WDR70: variants seen among roughly 807,000 people sequenced by gnomAD.
WDR70 encodes the protein WD repeat-containing protein 70.
In WDR70, 53 loss-of-function variants were observed where a neutral mutation model predicts 88.6. The ratio of observed to expected loss-of-function variants is 0.60; its 90% confidence interval spans 0.48 to 0.75. The LOEUF (loss-of-function observed/expected upper bound fraction) is 0.75, where lower values mean the gene tolerates loss of function less well. Ranked by LOEUF, WDR70 falls within the 30% of genes least tolerant of loss-of-function variation. The probability of loss-of-function intolerance (pLI) is 0.00; values close to 1 mark genes in which losing one functional copy is unlikely to be tolerated. For synonymous variants in WDR70, 280 were observed against 270.0 expected, an observed-to-expected ratio of 1.04 and a Z score of -0.36; for missense variants, 610 against 823.2, an observed-to-expected ratio of 0.74 and a Z score of 3.17.
chr5:37,481,751 C>T (rs1739677232), intron 8 of WDR70, among the ~76,000 whole-genome samples: 1 of 152,216 alleles, frequency 6.6e-6, no homozygotes, highest in Non-Finnish European at 1.5e-5. Flanking sequence ...ACCCAGTTTC[C>T]TCAGAAAATA....
At chr5:37,579,574 C>A (rs1743159724) in intron 9 of WDR70, among the ~76,000 whole-genome samples, 3 of 104,796 alleles carry the variant, frequency 2.9e-5, no homozygotes, top group African/African-American at 8.2e-5. Flanking sequence ...CCGAGTGAGA[C>A]TCTGTCTCAA....
intron 10 of WDR70, among the ~76,000 whole-genome samples, chr5:37,657,654 TG>T (rs1745594703): frequency 6.6e-6 from 1 of 152,212 alleles, no homozygotes; most frequent in Admixed American, 6.5e-5. Flanking sequence ...GATGTCACCC[TG>T]GGCATCAGAT....
At chr5:37,637,325 A>G (rs1744997093) in intron 10 of WDR70, among the ~76,000 whole-genome samples, 1 of 141,822 alleles carries the variant, frequency 7.1e-6, no homozygotes, top group Admixed American at 7.2e-5. Flanking sequence ...ACTCTGTCTC[A>G]AAAAATAAAT....
chr5:37,619,217 G>T (rs1044943810), intron 10 of WDR70, among the ~76,000 whole-genome samples: 4 of 150,874 alleles, frequency 2.7e-5, no homozygotes, highest in Admixed American at 6.6e-5. Flanking sequence ...ATTTTGATCA[G>T]TTAATTTTAT....
At position 37,569,779 on chromosome 5, in the gene WDR70, A is replaced by G. The variant is rs200900159; in HGVS notation, c.918-35285A>G. Among the ~76,000 whole-genome samples the G allele has an allele frequency of 5.3e-5, 8 of 152,332 alleles. No individual in the cohort carries two copies. In the East Asian group the frequency reaches 1.5e-3, roughly 29 times the overall value. ...ATAGAAATTCTAATGATAGGAACAC[A>G]TAAGAGGAAGCAATTGAGGGATCAG... On this transcript the variant is annotated intron_variant, in intron 9 of 17. Transcript: ENST00000265107.
intron 10 of WDR70, among the ~76,000 whole-genome samples, chr5:37,670,198 C>T (rs1198244561): frequency 4.0e-5 from 6 of 148,634 alleles, no homozygotes; most frequent in African/African-American, 1.5e-4. Flanking sequence ...CAATAAAAAT[C>T]TTATATCAAA....
At chr5:37,557,959 T>TTTTA in intron 9 of WDR70, among the ~76,000 whole-genome samples, 1 of 146,502 alleles carries the variant, frequency 6.8e-6, no homozygotes, top group Non-Finnish European at 1.5e-5. Flanking sequence ...AAAAGAGTAT[T>TTTTA]ATGTATATTT....
chr5:37,749,877 T>C (rs75384494), intron 17 of WDR70, among the ~76,000 whole-genome samples: 6,220 of 151,856 alleles, frequency 0.041, 439 homozygotes, highest in African/African-American at 0.14. Context: ...AACAAATATT[T>C]GTCCTTTTTC....
chr5:37,697,790 A>G (rs765566305), intron 11 of WDR70, 36 bp downstream of exon 11: 5 of 1,526,340 alleles, frequency 3.3e-6, no homozygotes, highest in East Asian at 2.3e-5. Context: ...GTATTTCTCT[A>G]TATAAAATAA....
rs377371806 is a variant in WDR70, at chr5:37,525,598, A to G, written c.917+9008A>G. On this transcript the variant is annotated intron_variant, in intron 9 of 17. Transcript: ENST00000265107. ...AGAGAAGCAAGAGCAAACACATTCA[A>G]AAGCTAGCAGAAGGCAAGAAATAAC... Among the ~76,000 whole-genome samples the G allele has an allele frequency of 1.2e-4, 18 of 152,342 alleles. No homozygotes were observed. In the East Asian group the frequency reaches 3.1e-3, roughly 26 times the overall value.
chr5:37,515,556 G>T (rs912470262), intron 8 of WDR70, among the ~76,000 whole-genome samples: 2 of 152,214 alleles, frequency 1.3e-5, no homozygotes, highest in Non-Finnish European at 2.9e-5. Context: ...TGAACAGAAT[G>T]TCAGGCCTTG....
At chr5:37,741,104 T>A (rs530653218) in intron 17 of WDR70, among the ~76,000 whole-genome samples, 3 of 152,158 alleles carry the variant, frequency 2.0e-5, no homozygotes, top group Non-Finnish European at 4.4e-5. Flanking sequence ...TGGCCCTCCA[T>A]CACAGATGGT....
chr5:37,398,825 TG>T (rs1478332875), intron 5 of WDR70, among the ~76,000 whole-genome samples: 1 of 152,214 alleles, frequency 6.6e-6, no homozygotes, highest in Non-Finnish European at 1.5e-5. Flanking sequence ...TCAGTTCTAG[TG>T]GCTTTTAAAT....
At chr5:37,463,137 T>A (rs1309185558) in intron 7 of WDR70, among the ~76,000 whole-genome samples, 1 of 152,030 alleles carries the variant, frequency 6.6e-6, no homozygotes, top group Non-Finnish European at 1.5e-5. Flanking sequence ...CCCAGCATGG[T>A]GGCACGCACC....
At chr5:37,424,191 A>G (rs1158562594) in intron 5 of WDR70, among the ~76,000 whole-genome samples, 2 of 145,436 alleles carry the variant, frequency 1.4e-5, no homozygotes, top group South Asian at 4.4e-4. Flanking sequence ...AAAAAAAATT[A>G]TCTATTTATA....
chr5:37,543,493 ATG>A lies in WDR70; in HGVS notation c.917+26905_917+26906del, dbSNP rs1491210920. Among the ~76,000 whole-genome samples the A allele has an allele frequency of 5.8e-4, 88 of 150,824 alleles. 1 individual carries two copies. Among genetic ancestry groups the A allele is most frequent in the Admixed American group, 4.2e-3 (64 of 15,140 alleles). ...AGTGTGTGTGGTCTTGTGTGTGTGC[ATG>A]TATATATATATGGAGAGAAAGAGAG... On this transcript the variant is annotated intron_variant, in intron 9 of 17. Coordinates refer to ENST00000265107, the MANE Select transcript of WDR70 (RefSeq NM_018034.4).
chr5:37,682,778 C>A (rs1746476347), intron 10 of WDR70, among the ~76,000 whole-genome samples: 1 of 151,880 alleles, frequency 6.6e-6, no homozygotes, highest in African/African-American at 2.4e-5. Context: ...TTCAGTGGTC[C>A]AAGAGAGTGG....
intron 10 of WDR70, among the ~76,000 whole-genome samples, chr5:37,679,928 C>T (rs1165556269): frequency 1.3e-5 from 2 of 152,378 alleles, no homozygotes; most frequent in Middle Eastern, 3.4e-3. Context: ...CTAAGCAAGC[C>T]TGGGCAATGG....
At chr5:37,444,993 C>G (rs1440567729) in intron 7 of WDR70, among the ~76,000 whole-genome samples, 4 of 152,168 alleles carry the variant, frequency 2.6e-5, no homozygotes, top group Non-Finnish European at 5.9e-5. Flanking sequence ...TGCTCACCCT[C>G]CCAACGCCTG....
Sources: allele counts gnomAD v4.1 joint callset (sites outside exome capture counted in the v4.1 genomes callset), GRCh38; gene constraint gnomAD v4.1.1; transcripts MANE v1.5; gene names NCBI Gene and HGNC (gene_info 2026-07-23, HGNC 2026-07-21).